The following SFRP4 variants were observed in gnomAD, a reference collection of about 807,000 sequenced individuals.
SFRP4 encodes secreted frizzled-related protein 4.
SFRP4 carries 25 observed loss-of-function variants against 36.3 expected under a neutral mutation model. The observed-to-expected ratio is 0.69, with a 90% CI of 0.50 to 0.96. The LOEUF is 0.96. SFRP4 is among the 40% of genes least tolerant of loss of function. The pLI, the probability that SFRP4 is intolerant of heterozygous loss-of-function variation, is 0.00. For missense variants in SFRP4, 487 were observed against 459.6 expected, an observed-to-expected ratio of 1.06 and a Z score of -0.54; for synonymous variants, 182 against 168.8, an observed-to-expected ratio of 1.08 and a Z score of -0.60.
chr7:37,908,760 C>G (rs572281212), intron 5 of SFRP4, among the ~76,000 whole-genome samples: 1 of 152,296 alleles, frequency 6.6e-6, no homozygotes, highest in African/African-American at 2.4e-5. Context: ...TCCTGAGCAG[C>G]TCATGAGTTT....
intron 3 of SFRP4, among the ~76,000 whole-genome samples, chr7:37,913,404 AT>A (rs11360502): frequency 0.25 from 37,803 of 152,148 alleles, 5,961 homozygotes; most frequent in Non-Finnish European, 0.36. Context: ...CAAAATAAGC[AT>A]TTTCCCTAAA....
At position 37,916,354 on chromosome 7, in the gene SFRP4, C is replaced by A. The variant is rs946302056; in HGVS notation, c.184G>T (p.Glu62Ter). The A allele has an allele frequency of 1.9e-6, 3 of 1,614,120 alleles. No individual in the cohort carries two copies. In the Admixed American group the frequency reaches 5.0e-5, roughly 27 times the overall value. The change falls in exon 1 of 6, where the codon GAG becomes TAG. Residue 62 changes from glutamate to a stop codon, truncating the protein, a stop_gained. Transcript: ENST00000436072. LOFTEE classifies it high-confidence loss of function. This position sits in a 1 kb window ranked among gnomAD's most constrained non-coding sequence, Gnocchi z 4.1. ...CTGCAGTTCACGTCCACCAGCTCCTCGTACTGCTCGATGGCCAGGATGGCG... is the reference window on the plus strand; with the variant it reads ...CTGCAGTTCACGTCCACCAGCTCCTAGTACTGCTCGATGGCCAGGATGGCG... ...ENAILAIEQYEELVDVNCSAV... is the reference protein window; with the variant it reads ...ENAILAIEQY
intron 3 of SFRP4, among the ~76,000 whole-genome samples, chr7:37,913,074 T>G (rs1326851116): frequency 6.6e-6 from 1 of 152,186 alleles, no homozygotes; most frequent in Non-Finnish European, 1.5e-5. Flanking sequence ...CCCCAGAGAA[T>G]GACATGACAG....
Position 37,916,449 on chromosome 7 carries a change from G to A in SFRP4, c.89C>T (p.Pro30Leu). 6.2e-7 allele frequency: 1 copy of A among 1,613,782 alleles called. No homozygotes were observed. The highest frequency in any genetic ancestry group is 1.3e-5 in the African/African-American group (1 of 75,046). The change falls in exon 1 of 6, where the codon CCT (proline) becomes CTT (leucine). Residue 30 changes from proline (P) to leucine (L), a missense_variant. Transcript: ENST00000436072. This position sits in a 1 kb window ranked among gnomAD's most constrained non-coding sequence, Gnocchi z 4.1. ...GTTCCAGGGCATGTGCCGGCACATAGGGATGCGCACCGCCTCGCAGGGCGC... is the reference window on the plus strand; with the variant it reads ...GTTCCAGGGCATGTGCCGGCACATAAGGATGCGCACCGCCTCGCAGGGCGC... ...RGAPCEAVRIPMCRHMPWNIT... is the reference protein window; with the variant it reads ...RGAPCEAVRILMCRHMPWNIT...
intron 4 of SFRP4, chr7:37,909,896 A>C (rs2131986498): frequency 3.2e-6 from 1 of 315,912 alleles, no homozygotes; most frequent in East Asian, 5.2e-5. Context: ...CTGATCTGCA[A>C]ATTTCCTTTT....
chr7:37,910,207 C>T (rs1424366476), intron 4 of SFRP4, among the ~76,000 whole-genome samples: 1 of 151,940 alleles, frequency 6.6e-6, no homozygotes, highest in Non-Finnish European at 1.5e-5. Context: ...AATGGTTGCA[C>T]TTTCATCCAA....
rs1253483589 is a variant in SFRP4 at position 37,906,266 on chromosome 7, G to T, written c.*1213C>A. ...GATTAGATAGGATTTTATTTCCTTT[G>T]GGCGTTGTGCATTTATTGAATGCCT... On this transcript the variant is annotated 3_prime_UTR_variant, in exon 6 of 6. Transcript: ENST00000436072. 1 of 152,144 alleles carries T rather than the reference G, an allele frequency of 6.6e-6. No individual in the cohort carries two copies. The highest frequency in any genetic ancestry group is 6.5e-5 in the Admixed American group (1 of 15,278). The allele number at this position is 152,144 out of a possible 1,614,324, so 9.4% of individuals were successfully genotyped here.
At chr7:37,915,874 T>C (rs541768233) in intron 1 of SFRP4, among the ~76,000 whole-genome samples, 4 of 41,464 alleles carry the variant, frequency 9.6e-5, no homozygotes, top group East Asian at 3.0e-3. Flanking sequence ...AGCAAAATCT[T>C]TTTTTTTTTC....
In SFRP4 at chr7:37,907,456, C is replaced by A. The variant is rs1165674532; in HGVS notation, c.*23G>T. 2.1e-5 allele frequency: 33 copies of A among 1,601,298 alleles called. No individual in the cohort carries two copies. Among genetic ancestry groups the A allele is most frequent in the South Asian group, 9.0e-5 (8 of 89,292 alleles). ...CTCATCCTGTAAGGAAGTCGGAAGT[C>A]TCCGCTTTGGAAACTAGTTAGCTCA... On this transcript the variant is annotated 3_prime_UTR_variant, in exon 6 of 6. Transcript: ENST00000436072.
chr7:37,912,224 G>A lies in SFRP4; in HGVS notation c.686C>T (p.Pro229Leu), dbSNP rs1265128302. 6.2e-7 allele frequency: 1 copy of A among 1,613,884 alleles called. No individual in the cohort carries two copies. The highest frequency in any genetic ancestry group is 1.3e-5 in the African/African-American group (1 of 74,900). Residue 229 changes from proline to leucine, a missense_variant, in exon 4 of 6, where the codon CCC becomes CTC. Transcript: ENST00000436072. Reference sequence around the variant, plus strand: ...GAGCGGGACTTGAGTTCGAGGGATGGGTGATGAGGACTTGAAGATCTCTTT... The same window carrying A: ...GAGCGGGACTTGAGTTCGAGGGATGAGTGATGAGGACTTGAAGATCTCTTT... ...DVKEIFKSSS[P>L]IPRTQVPLIT...
rs1219297285 is a variant in SFRP4, at chr7:37,906,700, AGACAAACT to A, written c.*771_*778del. ...ATTAGTACCTAACTCCTAATGGTACAGACAAACTCACTGTTTCTGGTGCTGCTTAAGAG... is the reference window on the plus strand; with the variant it reads ...ATTAGTACCTAACTCCTAATGGTACACACTGTTTCTGGTGCTGCTTAAGAG... On this transcript the variant is annotated 3_prime_UTR_variant, in exon 6 of 6. Coordinates refer to ENST00000436072, the MANE Select transcript of SFRP4 (RefSeq NM_003014.4). 6.6e-6 allele frequency: 1 copy of A among 152,338 alleles called. No homozygotes were observed. The highest frequency in any genetic ancestry group is 1.9e-4 in the East Asian group (1 of 5,186). The allele number at this position is 152,338 out of a possible 1,614,324, so 9.4% of individuals were successfully genotyped here. A position where few individuals can be genotyped will look rare whatever the true frequency, so the allele number is the denominator to read the frequency against.
intron 5 of SFRP4, among the ~76,000 whole-genome samples, chr7:37,908,034 C>G (rs1304171041): frequency 1.3e-5 from 2 of 152,210 alleles, no homozygotes; most frequent in Non-Finnish European, 2.9e-5. Context: ...CTTTTGACCA[C>G]TAGCCCCATA....
chr7:37,916,418 C>T lies in SFRP4; in HGVS notation c.120G>A (p.Thr40=), dbSNP rs1785578042. The T allele has an allele frequency of 6.2e-7, 1 of 1,614,066 alleles. No homozygotes were observed. Among genetic ancestry groups the T allele is most frequent in the Non-Finnish European group, 8.5e-7 (1 of 1,179,946 alleles). The change falls in exon 1 of 6, where the codon ACG becomes ACA. Residue 40 remains threonine, a synonymous_variant. Transcript: ENST00000436072. The surrounding 1 kb of genome is among the most constrained non-coding windows in gnomAD (Gnocchi z 4.1). The part of the protein sequence containing the change: ...PMCRHMPWNI[T]RMPNHLHHST... ...TGTGGTGCAGGTGGTTGGGCATCCG[C>T]GTGATGTTCCAGGGCATGTGCCGGC... is the stretch of plus-strand genomic sequence containing the variant.
chr7:37,909,554 A>G (rs1401097840), intron 5 of SFRP4, 63 bp downstream of exon 5: 3 of 926,310 alleles, frequency 3.2e-6, no homozygotes, highest in South Asian at 2.2e-5. Context: ...GAATTCCCCA[A>G]CTCTAAAGAA....
intron 5 of SFRP4, 130 bp downstream of exon 5, chr7:37,909,487 A>G: frequency 1.9e-6 from 1 of 526,544 alleles, no homozygotes; most frequent in Non-Finnish European, 3.4e-6. Flanking sequence ...TATTCAAAAG[A>G]CAAATACTGT....
In SFRP4 at chr7:37,916,551, C is replaced by T. The variant is rs376577451; in HGVS notation, c.-14G>A. 3.8e-6 allele frequency: 6 copies of T among 1,594,934 alleles called. No homozygotes were observed. The South Asian group carries it at 6.6e-5, about 18-fold the overall frequency. On this transcript the variant is annotated 5_prime_UTR_variant, in exon 1 of 6. Transcript: ENST00000436072. The surrounding 1 kb of genome is among the most constrained non-coding windows in gnomAD (Gnocchi z 4.1). ...GGAGAGGAACATGGCACTGCCCTCT[C>T]GCGCTGCGACCCCGGCAGACAGAAA...
At chr7:37,910,643 A>G (rs1468466078) in intron 4 of SFRP4, among the ~76,000 whole-genome samples, 1 of 152,036 alleles carries the variant, frequency 6.6e-6, no homozygotes, top group Non-Finnish European at 1.5e-5. Context: ...TTCTTAGAAT[A>G]TTTATCTATT....
chr7:37,913,177 GA>G (rs1785522021), intron 3 of SFRP4, among the ~76,000 whole-genome samples: 1 of 152,048 alleles, frequency 6.6e-6, no homozygotes, highest in Non-Finnish European at 1.5e-5. Context: ...CAGGCTTTAA[GA>G]AAAAAAGCTA....
chr7:37,910,496 A>G (rs1257798151), intron 4 of SFRP4, among the ~76,000 whole-genome samples: 1 of 151,692 alleles, frequency 6.6e-6, no homozygotes, highest in Non-Finnish European at 1.5e-5. Context: ...TGTGATTTTT[A>G]TATGTATAAT....
Sources: gnomAD v4.1 joint callset for allele counts (sites outside exome capture counted in the v4.1 genomes callset) on GRCh38, gnomAD v4.1.1 for gene constraint, Gnocchi (gnomAD v3.1) non-coding constraint, MANE v1.5 for transcripts, NCBI Gene and HGNC (gene_info 2026-07-23, HGNC 2026-07-21) for gene names.